KIF26B: variants seen among roughly 807,000 people sequenced by gnomAD.
The protein encoded by KIF26B is kinesin-like protein KIF26B.
A neutral mutation model predicts 151.2 loss-of-function variants in KIF26B; 63 were observed. The ratio of observed to expected loss-of-function variants is 0.42; its 90% CI spans 0.34 to 0.51. The LOEUF (loss-of-function observed/expected upper bound fraction) is 0.51. KIF26B is among the 20% of genes least tolerant of loss of function. The probability of loss-of-function intolerance (pLI) is 0.07; values close to 1 mark genes in which losing one functional copy is unlikely to be tolerated. For missense variants in KIF26B, 2,813 were observed against 2,913.6 expected, an observed-to-expected ratio of 0.97 and a Z score of 0.79; for synonymous variants, 1,357 against 1,262.1, an observed-to-expected ratio of 1.08 and a Z score of -1.59.
At chr1:245,184,050 G>GTTTGTTTTT (rs1668954964) in intron 2 of KIF26B, among the ~76,000 whole-genome samples, 2 of 19,804 alleles carry the variant, frequency 1.0e-4, no homozygotes, top group African/African-American at 3.0e-4. Flanking sequence ...GGGAGTTGTT[G>GTTTGTTTTT]TTTTTTTTTT....
chr1:245,521,955 T>C (rs112668148), intron 4 of KIF26B, among the ~76,000 whole-genome samples: 21,431 of 147,698 alleles, frequency 0.15, 2,066 homozygotes, highest in Middle Eastern at 0.24. Context: ...CTGCAAGCTC[T>C]GCCTCCCGTG....
intron 5 of KIF26B, among the ~76,000 whole-genome samples, chr1:245,559,030 G>A (rs1034687549): frequency 6.6e-6 from 1 of 152,152 alleles, no homozygotes; most frequent in Non-Finnish European, 1.5e-5. Flanking sequence ...CTCAGTCTTT[G>A]TGTGTGCGGA....
intron 4 of KIF26B, among the ~76,000 whole-genome samples, chr1:245,480,963 TC>T (rs1349824338): frequency 6.7e-6 from 1 of 150,054 alleles, no homozygotes; most frequent in Admixed American, 6.7e-5. Context: ...ATTCAAACTT[TC>T]CCTTCCTATT....
intron 2 of KIF26B, among the ~76,000 whole-genome samples, chr1:245,213,273 A>T (rs779083739): frequency 3.9e-5 from 6 of 152,144 alleles, no homozygotes; most frequent in Non-Finnish European, 5.9e-5. Context: ...GGGCCACATG[A>T]CCACTTCAGG....
chr1:245,587,279 T>G (rs1176358419), intron 5 of KIF26B, among the ~76,000 whole-genome samples: 2 of 152,146 alleles, frequency 1.3e-5, no homozygotes, highest in Non-Finnish European at 2.9e-5. Flanking sequence ...AGTACACAAC[T>G]CTTTTGTACT....
chr1:245,492,324 C>T (rs919205627), intron 4 of KIF26B, among the ~76,000 whole-genome samples: 5 of 152,308 alleles, frequency 3.3e-5, no homozygotes, highest in African/African-American at 4.8e-5. Context: ...GGTTCTCTAA[C>T]GTTCTTTTTG....
At chr1:245,374,075 AAAAAAAAAAAAAAAAAAAAATATATATAT>A (rs1673194111) in intron 3 of KIF26B, among the ~76,000 whole-genome samples, 1 of 36,226 alleles carries the variant, frequency 2.8e-5, no homozygotes, top group Non-Finnish European at 4.8e-5. Flanking sequence ...AAAAAAAAAA[AAAAAAAAAAAAAAAAAAAAATATATATAT>A]ATATATATAT....
intron 2 of KIF26B, among the ~76,000 whole-genome samples, chr1:245,335,851 G>T (rs1672214701): frequency 6.9e-6 from 1 of 144,294 alleles, no homozygotes; most frequent in South Asian, 2.2e-4. Context: ...GGAGTCCCAC[G>T]AAGGGAAAGG....
intron 4 of KIF26B, among the ~76,000 whole-genome samples, chr1:245,464,617 T>G (rs1286351460): frequency 6.8e-6 from 1 of 146,798 alleles, no homozygotes; most frequent in Admixed American, 6.7e-5. Context: ...TGTGGGTGTG[T>G]GGGTGTGTGC....
intron 9 of KIF26B, among the ~76,000 whole-genome samples, chr1:245,621,178 C>T (rs1409491527): frequency 3.9e-5 from 6 of 152,144 alleles, no homozygotes; most frequent in Admixed American, 1.3e-4. Context: ...GTGATTCCAA[C>T]GGGCAGCAAA....
rs1054191200 is a variant in KIF26B at position 245,606,605 on chromosome 1, C to A, written c.1558-1046C>A. Among the ~76,000 whole-genome samples the A allele has an allele frequency of 6.6e-6, 1 of 152,170 alleles. No homozygotes were observed. Among genetic ancestry groups the A allele is most frequent in the Non-Finnish European group, 1.5e-5 (1 of 68,028 alleles). On this transcript the variant is annotated intron_variant, in intron 6 of 14. Transcript: ENST00000407071. The surrounding 1 kb of genome is among the most constrained non-coding windows in gnomAD (Gnocchi z 4.6). ...TATTAGCGGGTGTTCAGGGGAAATACAAAACATCATCGAGAGCCTGGTCCC... is the reference window on the plus strand; with the variant it reads ...TATTAGCGGGTGTTCAGGGGAAATAAAAAACATCATCGAGAGCCTGGTCCC...
intron 12 of KIF26B, among the ~76,000 whole-genome samples, 158 bp from the exon 13 acceptor site, chr1:245,697,946 CAA>C (rs144470070): frequency 0.13 from 19,615 of 152,014 alleles, 1,622 homozygotes; most frequent in Non-Finnish European, 0.18. Context: ...GAGGCTGAGA[CAA>C]GAGAATTGCT....
chr1:245,415,239 A>G (rs6677432), intron 3 of KIF26B, among the ~76,000 whole-genome samples: 22,325 of 152,180 alleles, frequency 0.15, 1,752 homozygotes, highest in African/African-American at 0.17. Flanking sequence ...AACAACTCAG[A>G]GACACACTGT....
At chr1:245,646,310 G>A in intron 10 of KIF26B, 30 bp downstream of exon 10, 1 of 1,609,926 alleles carries the variant, frequency 6.2e-7, no homozygotes, top group Middle Eastern at 1.7e-4. Context: ...AAAGAATGTG[G>A]TGGGGTAAGC....
intron 2 of KIF26B, among the ~76,000 whole-genome samples, chr1:245,217,066 G>A (rs1308414388): frequency 2.0e-5 from 3 of 152,184 alleles, no homozygotes; most frequent in Admixed American, 2.0e-4. Context: ...ATTTGTCTCA[G>A]CAGGGAGGTT....
chr1:245,310,166 T>G (rs1053647055), intron 2 of KIF26B, among the ~76,000 whole-genome samples: 1 of 149,618 alleles, frequency 6.7e-6, no homozygotes, highest in Admixed American at 6.8e-5. Context: ...AATATCTCTC[T>G]CTCACTATAT....
chr1:245,415,208 C>T lies in KIF26B; in HGVS notation c.1000-4371C>T, dbSNP rs151129910. Among the ~76,000 whole-genome samples the T allele has an allele frequency of 4.6e-5, 7 of 152,282 alleles. No homozygotes were observed. The East Asian group carries it at 1.2e-3, about 25-fold the overall frequency. ...AATTGTCATAGAATATGGATCACTG[C>T]CATTCTTTGCTTGACATAAAAACAA... On this transcript the variant is annotated intron_variant, in intron 3 of 14. Transcript: ENST00000407071.
chr1:245,312,883 C>T (rs915715771), intron 2 of KIF26B, among the ~76,000 whole-genome samples: 2 of 152,068 alleles, frequency 1.3e-5, no homozygotes, highest in Non-Finnish European at 2.9e-5. Context: ...GGATACTGGC[C>T]GGGCGCCGTG....
At chr1:245,200,892 C>T (rs1471339917) in intron 2 of KIF26B, among the ~76,000 whole-genome samples, 1 of 152,192 alleles carries the variant, frequency 6.6e-6, no homozygotes, top group African/African-American at 2.4e-5. Context: ...AGGACGTTTT[C>T]CAAAGGGCGT....
Sources: gnomAD v4.1 joint callset for allele counts (sites outside exome capture counted in the v4.1 genomes callset) on GRCh38, gnomAD v4.1.1 for gene constraint, Gnocchi (gnomAD v3.1) non-coding constraint, MANE v1.5 for transcripts, NCBI Gene and HGNC (gene_info 2026-07-23, HGNC 2026-07-21) for gene names.